PARD3: variants seen among roughly 807,000 people sequenced by gnomAD.
PARD3 encodes partitioning defective 3 homolog.
A neutral mutation model predicts 155.4 loss-of-function variants in PARD3; 75 were observed. The observed-to-expected ratio is 0.48, with a 90% CI of 0.40 to 0.58. PARD3 has a LOEUF of 0.58. Among genes scored for constraint, PARD3 ranks in the 20% least tolerant of loss-of-function variants. PARD3 has a pLI of 0.00. For missense variants in PARD3, 1,642 were observed against 1,721.7 expected (o/e 0.95, Z 0.82); for synonymous variants, 576 against 610.5 (o/e 0.94, Z 0.83).
intron 2 of PARD3, among the ~76,000 whole-genome samples, chr10:34,663,378 A>T (rs1341770124): frequency 6.6e-6 from 1 of 152,080 alleles, no homozygotes; most frequent in East Asian, 1.9e-4. Flanking sequence ...AGGCAGGAGA[A>T]TTGCTTGAAC....
intron 3 of PARD3, among the ~76,000 whole-genome samples, chr10:34,481,042 T>A (rs1589726231): frequency 6.6e-6 from 1 of 152,006 alleles, no homozygotes; most frequent in South Asian, 2.1e-4. Flanking sequence ...CCTCAGGTGA[T>A]CCACCCGCCT....
chr10:34,234,659 A>G (rs1288455922), intron 22 of PARD3, among the ~76,000 whole-genome samples: 2 of 152,174 alleles, frequency 1.3e-5, no homozygotes, highest in Non-Finnish European at 2.9e-5. Context: ...ATAATGTATT[A>G]CAAAATATTT....
chr10:34,473,350 G>C (rs1194820065), intron 3 of PARD3, among the ~76,000 whole-genome samples: 1 of 152,218 alleles, frequency 6.6e-6, no homozygotes, highest in East Asian at 1.9e-4. Context: ...AGGAGTCCTA[G>C]ATTTGATTAC....
chr10:34,303,297 A>T (rs1283700499), intron 20 of PARD3, among the ~76,000 whole-genome samples: 1 of 152,034 alleles, frequency 6.6e-6, no homozygotes, highest in Non-Finnish European at 1.5e-5. Context: ...CCTAGAAAGA[A>T]CATCGAAGGA....
At chr10:34,581,104 A>G (rs2087410755) in intron 2 of PARD3, among the ~76,000 whole-genome samples, 2 of 152,208 alleles carry the variant, frequency 1.3e-5, no homozygotes, top group South Asian at 4.1e-4. Flanking sequence ...ATCTTGATTT[A>G]GATTCCTTTA....
Position 34,360,199 on chromosome 10 carries a change from C to T in PARD3, c.1768G>A (p.Glu590Lys), listed in dbSNP as rs1172313105. 6.2e-7 allele frequency: 1 copy of T among 1,613,946 alleles called. No individual in the cohort carries two copies. Among genetic ancestry groups the T allele is most frequent in the Non-Finnish European group, 8.5e-7 (1 of 1,179,836 alleles). ...GATCCTGAATCATTAAGTGGGACTT[C>T]AAATGTCAGAAATTCCCTGGTGCCA... ...PDGTREFLTF[E>K]VPLNDSGSAG... The change falls in exon 13 of 25, where the codon GAA becomes AAA. Residue 590 changes from glutamate to lysine, a missense_variant. By Grantham distance (56) the Glu-to-Lys change is moderately conservative (BLOSUM62 1). This residue lies in a region of PARD3 where 1,529 missense variants were observed against 1,587.3 expected (regional missense o/e 0.96). Coordinates refer to ENST00000374788, the MANE Select transcript of PARD3 (RefSeq NM_001184785.2).
At chr10:34,190,252 A>G (rs1396389758) in intron 22 of PARD3, among the ~76,000 whole-genome samples, 8 of 152,246 alleles carry the variant, frequency 5.3e-5, no homozygotes, top group Non-Finnish European at 1.2e-4. Flanking sequence ...ATTAAACAAC[A>G]CAATGAATCA....
chr10:34,625,641 G>C (rs1035963251), intron 2 of PARD3, among the ~76,000 whole-genome samples: 2 of 152,208 alleles, frequency 1.3e-5, no homozygotes, highest in Non-Finnish European at 2.9e-5. Flanking sequence ...GGCCAGGCGC[G>C]GTGGCTCACG....
chr10:34,538,842 T>C (rs529498829), intron 2 of PARD3, among the ~76,000 whole-genome samples: 15 of 152,342 alleles, frequency 9.8e-5, no homozygotes, highest in Middle Eastern at 3.4e-3. Context: ...TCCTTCTCAT[T>C]GTGAGAAAGC....
intron 7 of PARD3, among the ~76,000 whole-genome samples, chr10:34,389,605 T>C (rs761030442): frequency 6.6e-6 from 1 of 152,306 alleles, no homozygotes; most frequent in Non-Finnish European, 1.5e-5. Context: ...ATGATTATAA[T>C]TCATCTTAAT....
chr10:34,596,289 A>C (rs2134421150), intron 2 of PARD3, among the ~76,000 whole-genome samples: 1 of 152,146 alleles, frequency 6.6e-6, no homozygotes, highest in Non-Finnish European at 1.5e-5. Context: ...CTGCATATGG[A>C]ATTTCCTTCT....
chr10:34,138,373 C>T (rs374667695), intron 22 of PARD3, among the ~76,000 whole-genome samples: 1 of 152,142 alleles, frequency 6.6e-6, no homozygotes, highest in Non-Finnish European at 1.5e-5. Context: ...CTTTTGTCGA[C>T]CTCCCCGCTA....
At position 34,700,558 on chromosome 10, in the gene PARD3, G is replaced by C. The variant is rs1312708511; in HGVS notation, c.121-4139C>G. 3.3e-5 allele frequency among the ~76,000 whole-genome samples: 5 copies of C among 151,810 alleles called. No individual in the cohort carries two copies. The South Asian group carries it at 6.2e-4, about 19-fold the overall frequency. Reference sequence around the variant, plus strand: ...ATGGTCAATATCCTGTCTAACTTAAGACCAGAAAAAGATCACTGAAAAAAA... The same window carrying C: ...ATGGTCAATATCCTGTCTAACTTAACACCAGAAAAAGATCACTGAAAAAAA... On this transcript the variant is annotated intron_variant, in intron 1 of 24. Transcript: ENST00000374788.
rs545332469 is a variant in PARD3, at chr10:34,625,397, C to T, written c.222+70921G>A. Among the ~76,000 whole-genome samples the T allele has an allele frequency of 4.3e-4, 66 of 152,262 alleles. No individual in the cohort carries two copies. In the East Asian group the frequency reaches 4.4e-3, roughly 10 times the overall value. On this transcript the variant is annotated intron_variant, in intron 2 of 24. Coordinates refer to ENST00000374788, the MANE Select transcript of PARD3 (RefSeq NM_001184785.2). ...TGTAAATCTGGGCTGCTGGTGAGAC[C>T]CAACTCAGGGAAAGCCCATCTCCAG...
At chr10:34,454,062 A>G (rs796548562) in intron 4 of PARD3, among the ~76,000 whole-genome samples, 5 of 152,336 alleles carry the variant, frequency 3.3e-5, no homozygotes, top group African/African-American at 1.2e-4. Context: ...ATTTACAGCA[A>G]TCTTGAATTA....
At chr10:34,153,091 C>T (rs1401064192) in intron 22 of PARD3, among the ~76,000 whole-genome samples, 2 of 152,182 alleles carry the variant, frequency 1.3e-5, no homozygotes, top group East Asian at 3.8e-4. Flanking sequence ...TCCTGATTCA[C>T]AGAAATTGGG....
intron 22 of PARD3, among the ~76,000 whole-genome samples, chr10:34,153,785 A>T (rs1948879908): frequency 6.6e-6 from 1 of 152,194 alleles, no homozygotes; most frequent in African/African-American, 2.4e-5. Context: ...CCTTCAACAT[A>T]AATAAGGCTT....
At chr10:34,485,193 C>G (rs540628941) in intron 3 of PARD3, among the ~76,000 whole-genome samples, 94 of 152,248 alleles carry the variant, frequency 6.2e-4, no homozygotes, top group African/African-American at 2.2e-3. Flanking sequence ...CAAAAATTAG[C>G]CGGGCGTGGT....
intron 2 of PARD3, among the ~76,000 whole-genome samples, chr10:34,593,505 C>A (rs1007088074): frequency 1.3e-5 from 2 of 152,168 alleles, no homozygotes; most frequent in African/African-American, 4.8e-5. Context: ...TTTAGATTAA[C>A]TAGGATGAGC....
Sources: allele counts gnomAD v4.1 joint callset (sites outside exome capture counted in the v4.1 genomes callset), GRCh38; gene constraint gnomAD v4.1.1; regional missense constraint gnomAD v4.1.1; transcripts MANE v1.5; gene names NCBI Gene and HGNC (gene_info 2026-07-23, HGNC 2026-07-21).